ANGPT4: variants seen among roughly 807,000 people sequenced by gnomAD.
ANGPT4 encodes the protein angiopoietin-4.
A neutral mutation model predicts 53.0 loss-of-function variants in ANGPT4; 50 were observed. That is an observed-to-expected ratio of 0.94 (90% CI 0.75 to 1.20). The LOEUF is 1.20. Among genes scored for constraint, ANGPT4 ranks in the 50% most tolerant of loss-of-function variants. The pLI, the probability that ANGPT4 is intolerant of heterozygous loss-of-function variation, is 0.00. For synonymous variants in ANGPT4, 251 were observed against 259.7 expected, an observed-to-expected ratio of 0.97 and a Z score of 0.32; for missense variants, 648 against 637.1, an observed-to-expected ratio of 1.02 and a Z score of -0.18.
At chr20:894,459 A>G (rs1443319953) in intron 1 of ANGPT4, among the ~76,000 whole-genome samples, 3 of 152,094 alleles carry the variant, frequency 2.0e-5, no homozygotes, top group Admixed American at 6.5e-5. Context: ...TGTCATTAAC[A>G]TCAGAGCATG....
intron 2 of ANGPT4, 97 bp from the exon 3 acceptor site, chr20:888,536 C>T: frequency 6.6e-7 from 1 of 1,509,224 alleles, no homozygotes; most frequent in Non-Finnish European, 8.8e-7. Context: ...ACTCCAGAAA[C>T]TTACCCATTT....
chr20:875,283 A>G (rs1899657652), intron 7 of ANGPT4, among the ~76,000 whole-genome samples: 1 of 152,154 alleles, frequency 6.6e-6, no homozygotes, highest in African/African-American at 2.4e-5. Flanking sequence ...TGGCAACCCC[A>G]GCCCCATCGC....
At chr20:888,564 G>A in intron 2 of ANGPT4, 125 bp from the exon 3 acceptor site, 1 of 1,433,802 alleles carries the variant, frequency 7.0e-7, no homozygotes, top group Non-Finnish European at 9.2e-7. Context: ...CCCAGTCGTA[G>A]TTCCTGTGGT....
At chr20:895,674 A>G (rs1232551014) in intron 1 of ANGPT4, among the ~76,000 whole-genome samples, 1 of 152,188 alleles carries the variant, frequency 6.6e-6, no homozygotes, top group African/African-American at 2.4e-5. Context: ...TATAAAATGG[A>G]CATCAATTGG....
intron 1 of ANGPT4, among the ~76,000 whole-genome samples, chr20:900,432 C>T (rs1321082626): frequency 1.3e-5 from 2 of 152,166 alleles, no homozygotes; most frequent in Admixed American, 1.3e-4. Flanking sequence ...TTTTACTTTG[C>T]ATTTCCAGTT....
At chr20:876,988 C>T (rs1009856733) in intron 7 of ANGPT4, among the ~76,000 whole-genome samples, 1 of 152,000 alleles carries the variant, frequency 6.6e-6, no homozygotes, top group Non-Finnish European at 1.5e-5. Context: ...TCTGGGAGGT[C>T]AAGGCTACAG....
rs2122152002 is a variant in ANGPT4, at chr20:916,149, A to G, written c.66T>C (p.Ala22=). 8 of 1,614,116 alleles carry G rather than the reference A, an allele frequency of 5.0e-6. No homozygotes were observed. The highest frequency in any genetic ancestry group is 6.8e-6 in the Non-Finnish European group (8 of 1,179,994). ...TATCCGCCTCCTGCCTTGTCTGTTG[A>G]GCCACAGACATGGTGGCAACCACAA... ...LLLVVATMSV[A]QQTRQEADRG... The change falls in exon 1 of 9, where the codon GCT becomes GCC. Residue 22 remains alanine, a synonymous_variant. Transcript: ENST00000381922.
At chr20:896,485 G>C (rs1982056006) in intron 1 of ANGPT4, among the ~76,000 whole-genome samples, 1 of 152,214 alleles carries the variant, frequency 6.6e-6, no homozygotes, top group Non-Finnish European at 1.5e-5. Context: ...GAAAAGGCAA[G>C]TGCAGAGGCC....
intron 1 of ANGPT4, among the ~76,000 whole-genome samples, chr20:891,952 C>G (rs1252933183): frequency 6.6e-6 from 1 of 152,086 alleles, no homozygotes; most frequent in Admixed American, 6.6e-5. Context: ...TTAATGGTGC[C>G]CAGCCAACTG....
intron 7 of ANGPT4, among the ~76,000 whole-genome samples, chr20:876,760 TGAG>T (rs1981187504): frequency 6.6e-6 from 1 of 150,492 alleles, no homozygotes; most frequent in South Asian, 2.1e-4. Context: ...TGGTCAGGTG[TGAG>T]GAGTAGGGGG....
At chr20:903,580 T>C (rs1030858515) in intron 1 of ANGPT4, among the ~76,000 whole-genome samples, 1 of 152,238 alleles carries the variant, frequency 6.6e-6, no homozygotes, top group Admixed American at 6.5e-5. Context: ...GGGTCCCGTG[T>C]GGCTTAGAGA....
Position 872,973 on chromosome 20 carries a change from G to C in ANGPT4, c.1499C>G (p.Pro500Arg). ...CACAGCTGCTCGTTAGATGTCCAAA[G>C]GCCGTATCATCATGCGAGAGGCACG... ...SLRASRMMIR[P>R]LDI Residue 500 changes from proline to arginine, a missense_variant, in exon 9 of 9, where the codon CCT (proline) becomes CGT (arginine). Coordinates refer to ENST00000381922, the MANE Select transcript of ANGPT4 (RefSeq NM_015985.4). The C allele has an allele frequency of 4.3e-6, 7 of 1,614,032 alleles. No individual in the cohort carries two copies. The highest frequency in any genetic ancestry group is 5.1e-6 in the Non-Finnish European group (6 of 1,180,008).
chr20:914,024 C>T lies in ANGPT4; in HGVS notation c.309+1882G>A, dbSNP rs1386783879. On this transcript the variant is annotated intron_variant, in intron 1 of 8. Coordinates refer to ENST00000381922, the MANE Select transcript of ANGPT4 (RefSeq NM_015985.4). This position sits in a 1 kb window ranked among gnomAD's most constrained non-coding sequence, Gnocchi z 5.0. ...TTTGGGCTCAGGATCCCATCAATGC[C>T]AATTTTGTGTCATCACGGAGCAGGA... is the stretch of plus-strand genomic sequence containing the variant. 1.3e-5 allele frequency among the ~76,000 whole-genome samples: 2 copies of T among 152,096 alleles called. No homozygotes were observed. The highest frequency in any genetic ancestry group is 4.8e-5 in the African/African-American group (2 of 41,400).
chr20:886,579 A>G (rs760741904), intron 3 of ANGPT4, among the ~76,000 whole-genome samples: 2 of 152,222 alleles, frequency 1.3e-5, no homozygotes, highest in Non-Finnish European at 2.9e-5. Context: ...AACTCATTTA[A>G]TACACCTAAC....
Position 873,138 on chromosome 20 carries a change from AC to A in ANGPT4, c.1352-19del. On this transcript the variant is annotated intron_variant, in intron 8 of 8. Transcript: ENST00000381922. ...CCACCACCCTGGTGGAAGAGGGAGGACAGGCGCTTGGTGGAGGTGGGAGCCC... is the reference window on the plus strand; with the variant it reads ...CCACCACCCTGGTGGAAGAGGGAGGAAGGCGCTTGGTGGAGGTGGGAGCCC... 6.2e-7 allele frequency: 1 copy of A among 1,612,568 alleles called. No individual in the cohort carries two copies. Among genetic ancestry groups the A allele is most frequent in the South Asian group, 1.1e-5 (1 of 91,006 alleles).
intron 1 of ANGPT4, among the ~76,000 whole-genome samples, chr20:894,963 C>G (rs983752401): frequency 3.3e-5 from 5 of 152,124 alleles, no homozygotes; most frequent in African/African-American, 1.2e-4. Flanking sequence ...CAAAGGTTAC[C>G]CACAGCTGGA....
chr20:887,559 T>C (rs1981661282), intron 3 of ANGPT4, among the ~76,000 whole-genome samples: 1 of 152,184 alleles, frequency 6.6e-6, no homozygotes, highest in Non-Finnish European at 1.5e-5. Context: ...CAGCTTTTTT[T>C]CTTCACTCAG....
chr20:889,430 A>G (rs973509338), intron 2 of ANGPT4, among the ~76,000 whole-genome samples: 1 of 152,192 alleles, frequency 6.6e-6, no homozygotes, highest in Non-Finnish European at 1.5e-5. Context: ...AAATCCATAC[A>G]GCATGTGACT....
At chr20:889,261 A>C (rs1212667494) in intron 2 of ANGPT4, among the ~76,000 whole-genome samples, 1 of 150,344 alleles carries the variant, frequency 6.7e-6, no homozygotes, top group Non-Finnish European at 1.5e-5. Context: ...TAACATATGC[A>C]GACATGTGTT....
Sources: gnomAD v4.1 joint callset for allele counts (sites outside exome capture counted in the v4.1 genomes callset) on GRCh38, gnomAD v4.1.1 for gene constraint, Gnocchi (gnomAD v3.1) non-coding constraint, MANE v1.5 for transcripts, NCBI Gene and HGNC (gene_info 2026-07-23, HGNC 2026-07-21) for gene names.